Variants in ZNF615 observed in about 807,000 individuals in gnomAD.
ZNF615 encodes the protein zinc finger protein 615.
A neutral mutation model predicts 15.3 loss-of-function variants in ZNF615; 15 were observed. The observed-to-expected ratio is 0.98, with a 90% CI of 0.66 to 1.51. The LOEUF (loss-of-function observed/expected upper bound fraction) is 1.51. Ranked by LOEUF, ZNF615 falls within the 40% of genes most tolerant of loss-of-function variation. ZNF615 has a pLI of 0.00. For missense variants in ZNF615, 848 were observed against 895.9 expected (o/e 0.95, Z 0.68); for synonymous variants, 268 against 294.6 (o/e 0.91, Z 0.92).
intron 6 of ZNF615, among the ~76,000 whole-genome samples, chr19:51,996,963 C>T (rs1397734401): frequency 6.6e-6 from 1 of 152,152 alleles, no homozygotes; most frequent in African/African-American, 2.4e-5. Flanking sequence ...CCACAATGTA[C>T]ACATATTTCA....
chr19:52,001,396 G>A (rs530119219), intron 5 of ZNF615, among the ~76,000 whole-genome samples: 2 of 152,226 alleles, frequency 1.3e-5, no homozygotes, highest in South Asian at 2.1e-4. Context: ...AAGGTGGGCA[G>A]ATCACAAGGT....
intron 5 of ZNF615, among the ~76,000 whole-genome samples, chr19:52,001,009 G>C (rs925227171): frequency 6.6e-6 from 1 of 151,942 alleles, no homozygotes; most frequent in African/African-American, 2.4e-5. Context: ...GCCAATCAGA[G>C]ACCAGGTTAT....
rs2086334950 is a variant in ZNF615, at chr19:51,993,964, G to C, written c.1145C>G (p.Pro382Arg). 4 of 1,612,086 alleles carry C rather than the reference G, an allele frequency of 2.5e-6. No homozygotes were observed. Among genetic ancestry groups the C allele is most frequent in the East Asian group, 2.2e-5 (1 of 44,790 alleles). The change falls in exon 7 of 7, where the codon CCC becomes CGC. Residue 382 changes from proline (P) to arginine (R), a missense_variant. Coordinates refer to ENST00000598071, the MANE Select transcript of ZNF615 (RefSeq NM_001199324.2). ...TTTCCCACATTTATTGCATATAAAG[G>C]GTTTCTCACCAGTATGAGTTCGATG... Reference protein sequence around the residue: ...AHHRTHTGEKPFICNKCGKGF... With the variant: ...AHHRTHTGEKRFICNKCGKGF...
intron 6 of ZNF615, among the ~76,000 whole-genome samples, chr19:51,998,231 A>G (rs1215390099): frequency 6.6e-6 from 1 of 152,068 alleles, no homozygotes; most frequent in Non-Finnish European, 1.5e-5. Flanking sequence ...CTATGCCCCC[A>G]CTGTTCTTAT....
intron 5 of ZNF615, among the ~76,000 whole-genome samples, chr19:52,001,573 G>A (rs556175880): frequency 6.7e-6 from 1 of 148,588 alleles, no homozygotes; most frequent in African/African-American, 2.5e-5. Context: ...AGCCAAGATT[G>A]CGCTACTGCT....
intron 6 of ZNF615, among the ~76,000 whole-genome samples, chr19:51,995,731 C>CAGCTAATTTTTTGTATTTTTT (rs1239185523): frequency 2.0e-5 from 3 of 151,952 alleles, no homozygotes; most frequent in Non-Finnish European, 4.4e-5. Context: ...CCACCACACC[C>CAGCTAATTTTTTGTATTTTTT]AGCTAATTTT....
chr19:52,000,113 A>G (rs1430594965), intron 6 of ZNF615: 2 of 379,276 alleles, frequency 5.3e-6, no homozygotes, highest in African/African-American at 4.2e-5. Flanking sequence ...TAAGTGAAAT[A>G]ACTCAGAAAC....
chr19:51,993,990 A>C lies in ZNF615; in HGVS notation c.1119T>G (p.His373Gln). The C allele has an allele frequency of 6.2e-7, 1 of 1,612,260 alleles. No homozygotes were observed. Residue 373 changes from histidine (H) to glutamine (Q), a missense_variant, in exon 7 of 7, where the codon CAT becomes CAG. By Grantham distance (24) the His-to-Gln change is conservative. Transcript: ENST00000598071. ...GTTTCTCACCAGTATGAGTTCGATG[A>C]TGTGCAGTAAGACGCCTCTTCTCAA... ...GFIEKRRLTAHHRTHTGEKPF... is the reference protein window; with the variant it reads ...GFIEKRRLTAQHRTHTGEKPF...
chr19:52,003,932 CT>C, intron 2 of ZNF615, 32 bp from the exon 3 acceptor site: 2 of 1,318,316 alleles, frequency 1.5e-6, no homozygotes, highest in Non-Finnish European at 1.9e-6. Context: ...GTGGTACATT[CT>C]TTTTAGGCCC....
chr19:52,002,920 G>A (rs559109357), intron 3 of ZNF615, among the ~76,000 whole-genome samples: 2 of 151,274 alleles, frequency 1.3e-5, no homozygotes, highest in South Asian at 2.1e-4. Context: ...TCTGCCTCCC[G>A]GGTTCAAGCA....
At position 51,994,846 on chromosome 19, in the gene ZNF615, G is replaced by C. The variant is rs199901509; in HGVS notation, c.272-9C>G. On this transcript the variant is annotated splice_polypyrimidine_tract_variant and intron_variant, in intron 6 of 6. Transcript: ENST00000598071. Reference sequence around the variant, plus strand: ...ATCAATTTTCCTGATTTCTAGGAAAGAAGAGAACAGTCAATCACTCCATCA... The same window carrying C: ...ATCAATTTTCCTGATTTCTAGGAAACAAGAGAACAGTCAATCACTCCATCA... The C allele has an allele frequency of 9.6e-6, 15 of 1,570,476 alleles. 1 individual carries two copies. The highest frequency in any genetic ancestry group is 1.2e-5 in the Non-Finnish European group (14 of 1,161,776).
intron 6 of ZNF615, among the ~76,000 whole-genome samples, chr19:51,996,648 A>G (rs1020057850): frequency 3.9e-5 from 6 of 152,222 alleles, no homozygotes; most frequent in Admixed American, 2.0e-4. Context: ...AAATTATTCA[A>G]AGAAAGAGTA....
rs979973643 is a variant in ZNF615 at position 51,992,773 on chromosome 19, A to T, written c.*107T>A. 1.6e-6 allele frequency: 2 copies of T among 1,266,834 alleles called. No homozygotes were observed. The highest frequency in any genetic ancestry group is 3.9e-4 in the Middle Eastern group (2 of 5,090). 78.5% of individuals were successfully genotyped at this position (1,266,834 alleles called of 1,614,324 possible). On this transcript the variant is annotated 3_prime_UTR_variant, in exon 7 of 7. Transcript: ENST00000598071. ...ATGTTTTCTCTGACACAAAACATGAAGTAACTGATCACTAAATAAACAACC... is the reference window on the plus strand; with the variant it reads ...ATGTTTTCTCTGACACAAAACATGATGTAACTGATCACTAAATAAACAACC...
At chr19:51,998,598 T>C (rs906251322) in intron 6 of ZNF615, among the ~76,000 whole-genome samples, 1 of 152,182 alleles carries the variant, frequency 6.6e-6, no homozygotes, top group Non-Finnish European at 1.5e-5. Flanking sequence ...ACATGGTATG[T>C]TTTTTCTTTC....
chr19:52,002,408 T>C, intron 3 of ZNF615, 127 bp from the exon 4 acceptor site: 1 of 1,337,706 alleles, frequency 7.5e-7, no homozygotes, highest in Non-Finnish European at 1.1e-6. Flanking sequence ...TAGTACATTT[T>C]GACAGAATAA....
rs1444954349 is a variant in ZNF615 at position 51,993,677 on chromosome 19, T to C, written c.1432A>G (p.Met478Val). The stretch of plus-strand genomic sequence containing the variant: ...TGATGTACAATGAGGTCACTCTTCA[T>C]GGTGAAACCTTTTCGACATTCGGTG... ...VCTECRKGFT[M>V]KSDLIVHQRT... The change falls in exon 7 of 7, where the codon ATG becomes GTG. Residue 478 changes from methionine (M) to valine (V), a missense_variant. Coordinates refer to ENST00000598071, the MANE Select transcript of ZNF615 (RefSeq NM_001199324.2). 6.2e-7 allele frequency: 1 copy of C among 1,614,012 alleles called. No individual in the cohort carries two copies.
chr19:52,002,047 A>G, intron 4 of ZNF615, 108 bp downstream of exon 4: 6 of 1,611,884 alleles, frequency 3.7e-6, no homozygotes, highest in Non-Finnish European at 5.1e-6. Flanking sequence ...GTGTGGGGCA[A>G]GAGAATGATG....
chr19:51,996,313 G>A (rs111317550), intron 6 of ZNF615, among the ~76,000 whole-genome samples: 5,833 of 149,798 alleles, frequency 0.039, 369 homozygotes, highest in African/African-American at 0.14. Flanking sequence ...TTGAACCCAG[G>A]AGGTGGAGGT....
At position 52,005,522 on chromosome 19, in the gene ZNF615, A is replaced by G. The variant is rs2086729041; in HGVS notation, c.-189-1622T>C. 2.0e-5 allele frequency among the ~76,000 whole-genome samples: 3 copies of G among 152,348 alleles called. No individual in the cohort carries two copies. In the South Asian group the frequency reaches 6.2e-4, roughly 32 times the overall value. Reference sequence around the variant, plus strand: ...CTCAAAAATGCCCACATACAAAAAAATAGACAAATGATTGTGGCCAGGTCC... The same window carrying G: ...CTCAAAAATGCCCACATACAAAAAAGTAGACAAATGATTGTGGCCAGGTCC... On this transcript the variant is annotated intron_variant, in intron 2 of 6. Transcript: ENST00000598071.
Sources: allele counts gnomAD v4.1 joint callset (sites outside exome capture counted in the v4.1 genomes callset), GRCh38; gene constraint gnomAD v4.1.1; transcripts MANE v1.5; gene names NCBI Gene and HGNC (gene_info 2026-07-23, HGNC 2026-07-21).